SH3TC1: variants seen among roughly 807,000 people sequenced by gnomAD.
The protein encoded by SH3TC1 is SH3 domain and tetratricopeptide repeats 1, also known as SH3 domain and tetratricopeptide repeat-containing protein 1.
In SH3TC1, 135 loss-of-function variants were observed where a neutral mutation model predicts 117.3. That is an observed-to-expected ratio of 1.15 (90% confidence interval 1.00 to 1.33). The LOEUF (loss-of-function observed/expected upper bound fraction) is 1.33. Among genes scored for constraint, SH3TC1 ranks in the 40% most tolerant of loss-of-function variants. SH3TC1 has a pLI of 0.00. For missense variants in SH3TC1, 2,092 were observed against 1,794.3 expected (o/e 1.17, Z -3.00); for synonymous variants, 898 against 816.9 (o/e 1.10, Z -1.69).
Position 8,222,938 on chromosome 4 carries a change from C to G in SH3TC1, c.1211C>G (p.Ser404Trp). The change falls in exon 10 of 18, where the codon TCG becomes TGG. Residue 404 changes from serine (S) to tryptophan (W), a missense_variant. By Grantham distance (177) the Ser-to-Trp change is radical (BLOSUM62 -3). Transcript: ENST00000245105. ...GCCAGGCAGTTGCTGAGGCGGATGT[C>G]GGGCACCGATGTCTGCAGCGTGTAC... ...EDARQLLRRMSGTDVCSVYSL... is the reference protein window; with the variant it reads ...EDARQLLRRMWGTDVCSVYSL... 6.2e-7 allele frequency: 1 copy of G among 1,612,764 alleles called. No homozygotes were observed. Among genetic ancestry groups the G allele is most frequent in the Non-Finnish European group, 8.5e-7 (1 of 1,179,818 alleles).
chr4:8,196,581 G>C (rs1035949938), upstream of SH3TC1, among the ~76,000 whole-genome samples: 1 of 152,218 alleles, frequency 6.6e-6, no homozygotes, highest in Non-Finnish European at 1.5e-5. This position sits in a 1 kb window ranked among gnomAD's most constrained non-coding sequence, Gnocchi z 4.6. Context: ...AGCTCCCAAA[G>C]TGCTCTGGGC....
intron 1 of SH3TC1, among the ~76,000 whole-genome samples, chr4:8,184,403 C>T (rs1225987294): frequency 6.6e-6 from 1 of 152,334 alleles, no homozygotes; most frequent in African/African-American, 2.4e-5. Context: ...TTTTTTGAGA[C>T]AGGCTGTTGC....
In SH3TC1 at chr4:8,227,472, G is replaced by A; in HGVS notation, c.1778G>A (p.Ser593Asn). Residue 593 changes from serine (S) to asparagine (N), a missense_variant, in exon 12 of 18, where the codon AGC becomes AAC. By Grantham distance (46) the Ser-to-Asn change is conservative (BLOSUM62 1). Coordinates refer to ENST00000245105, the MANE Select transcript of SH3TC1 (RefSeq NM_018986.5). ...FEEALGALEG[S>N]FGDLFLVVAV... ...GAAGCGCTGGGGGCCCTGGAGGGCA[G>A]CTTCGGGGACCTGTTCCTAGTGGTG... The A allele has an allele frequency of 6.4e-7, 1 of 1,565,390 alleles. No homozygotes were observed. Among genetic ancestry groups the A allele is most frequent in the African/African-American group, 1.4e-5 (1 of 73,010 alleles).
At chr4:8,213,114 A>C in intron 4 of SH3TC1, 1 of 456,020 alleles carries the variant, frequency 2.2e-6, no homozygotes, top group Non-Finnish European at 3.9e-6. Flanking sequence ...CCCTCCACCC[A>C]CAAGGACTGT....
chr4:8,228,620 G>T lies in SH3TC1; in HGVS notation c.2926G>T (p.Ala976Ser), dbSNP rs184765514. The change falls in exon 12 of 18, where the codon GCC becomes TCC. Residue 976 changes from alanine to serine, a missense_variant. Ala to Ser is a moderately conservative substitution (Grantham distance 99). Transcript: ENST00000245105. ...KGYYEWALLV[A>S]VEMGHVESQL... The stretch of plus-strand genomic sequence containing the variant: ...CTACTACGAGTGGGCCCTTCTGGTC[G>T]CCGTGGAGATGGGCCACGTGGAGAG... The T allele has an allele frequency of 6.6e-7, 1 of 1,520,010 alleles. No homozygotes were observed. The highest frequency in any genetic ancestry group is 1.4e-5 in the African/African-American group (1 of 72,704). The allele number at this position is 1,520,010 out of a possible 1,614,324, so 94.2% of individuals were successfully genotyped here.
intron 5 of SH3TC1, 41 bp downstream of exon 5, chr4:8,214,621 C>T (rs754234125): frequency 1.0e-5 from 15 of 1,507,106 alleles, no homozygotes; most frequent in African/African-American, 5.5e-5. Flanking sequence ...TGGGGACGCC[C>T]GTCGGAAGGT....
intron 1 of SH3TC1, among the ~76,000 whole-genome samples, chr4:8,189,134 G>A (rs1561671335): frequency 6.6e-6 from 1 of 152,280 alleles, no homozygotes; most frequent in Non-Finnish European, 1.5e-5. Context: ...GAATACATGG[G>A]GCTGTTGGCT....
chr4:8,237,508 G>T lies in SH3TC1; in HGVS notation c.3591G>T (p.Arg1197=), dbSNP rs74479723. 1 of 1,602,608 alleles carries T rather than the reference G, an allele frequency of 6.2e-7. No homozygotes were observed. Among genetic ancestry groups the T allele is most frequent in the African/African-American group, 1.3e-5 (1 of 74,550 alleles). ...DRLNERVAYH[R]LAALQHRLGH... ...TGAACGAGCGCGTGGCCTACCACCG[G>T]CTGGCCGCCCTGCAACACCGACTGG... Residue 1197 remains arginine, a synonymous_variant, in exon 17 of 18, where the codon CGG becomes CGT. Transcript: ENST00000245105.
At chr4:8,185,285 G>A (rs567451052) in intron 1 of SH3TC1, among the ~76,000 whole-genome samples, 4 of 152,064 alleles carry the variant, frequency 2.6e-5, no homozygotes, top group South Asian at 4.2e-4. Flanking sequence ...GTGGGGAGCC[G>A]AGATTGAGCA....
At chr4:8,196,346 G>A (rs576740391), upstream of SH3TC1, among the ~76,000 whole-genome samples, 1 of 152,192 alleles carries the variant, frequency 6.6e-6, no homozygotes, top group African/African-American at 2.4e-5. The surrounding 1 kb of genome is among the most constrained non-coding windows in gnomAD (Gnocchi z 4.6). Flanking sequence ...GCAGGGGAGG[G>A]AGCCTCAGAG....
chr4:8,235,509 T>C lies in SH3TC1; in HGVS notation c.3359T>C (p.Phe1120Ser), dbSNP rs749186927. The change falls in exon 15 of 18, where the codon TTC becomes TCC. Residue 1120 changes from phenylalanine to serine, a missense_variant. Coordinates refer to ENST00000245105, the MANE Select transcript of SH3TC1 (RefSeq NM_018986.5). ...CTGTTTGAGGCGGCTGGAGACATCTTCTTCGACGGGGCCTGGGAGCGGGAG... is the reference window on the plus strand; with the variant it reads ...CTGTTTGAGGCGGCTGGAGACATCTCCTTCGACGGGGCCTGGGAGCGGGAG... ...LELFEAAGDI[F>S]FDGAWEREKA... 2.5e-6 allele frequency: 4 copies of C among 1,607,038 alleles called. No individual in the cohort carries two copies. The highest frequency in any genetic ancestry group is 3.4e-6 in the Non-Finnish European group (4 of 1,175,958).
At chr4:8,226,929 C>T in intron 11 of SH3TC1, 51 bp from the exon 12 acceptor site, 1 of 1,413,476 alleles carries the variant, frequency 7.1e-7, no homozygotes, top group Non-Finnish European at 9.5e-7. Context: ...CCAGTGGACC[C>T]AGGACTCACT....
At chr4:8,233,152 C>T (rs1721401215) in intron 13 of SH3TC1, 1 of 1,382,970 alleles carries the variant, frequency 7.2e-7, no homozygotes, top group South Asian at 1.7e-5. Context: ...GCATGATGCC[C>T]AGTTCCCTCA....
chr4:8,236,021 TC>T (rs1192585417), intron 15 of SH3TC1: 4 of 513,800 alleles, frequency 7.8e-6, no homozygotes, highest in Admixed American at 3.7e-5. Flanking sequence ...GAGTGCAGGC[TC>T]CCCCCAGTCA....
chr4:8,227,368 C>A lies in SH3TC1; in HGVS notation c.1674C>A (p.Ala558=), dbSNP rs766909446. The A allele has an allele frequency of 6.4e-7, 1 of 1,573,808 alleles. No individual in the cohort carries two copies. Among genetic ancestry groups the A allele is most frequent in the Non-Finnish European group, 8.6e-7 (1 of 1,160,264 alleles). The change falls in exon 12 of 18, where the codon GCC becomes GCA. Residue 558 remains alanine, a synonymous_variant. Coordinates refer to ENST00000245105, the MANE Select transcript of SH3TC1 (RefSeq NM_018986.5). ...CCAAGAAAGCTGGCCTCCTCATGGC[C>A]CTGGCCAGGCTCTGCTTCCTCCTGG... ...GAAKKAGLLM[A]LARLCFLLGR...
At position 8,209,736 on chromosome 4, in the gene SH3TC1, G is replaced by C; in HGVS notation, c.173-12G>C. On this transcript the variant is annotated splice_polypyrimidine_tract_variant and intron_variant, in intron 2 of 17. Transcript: ENST00000245105. This position sits in a 1 kb window ranked among gnomAD's most constrained non-coding sequence, Gnocchi z 5.9. Reference sequence around the variant, plus strand: ...TGGTCTCCCCTAATCCTGGGAACCTGCTGTGTTGCAGACGAGGCTCCTCCT... The same window carrying C: ...TGGTCTCCCCTAATCCTGGGAACCTCCTGTGTTGCAGACGAGGCTCCTCCT... 1 of 1,613,754 alleles carries C rather than the reference G, an allele frequency of 6.2e-7. No individual in the cohort carries two copies. Among genetic ancestry groups the C allele is most frequent in the East Asian group, 2.2e-5 (1 of 44,868 alleles).
At chr4:8,220,159 G>C (rs1368892191) in intron 9 of SH3TC1, among the ~76,000 whole-genome samples, 1 of 152,150 alleles carries the variant, frequency 6.6e-6, no homozygotes, top group Non-Finnish European at 1.5e-5. Flanking sequence ...TGAGGTTCCG[G>C]GAGACATGAA....
intron 9 of SH3TC1, 109 bp from the exon 10 acceptor site, chr4:8,222,731 A>C (rs1435593304): frequency 9.5e-6 from 13 of 1,361,444 alleles, no homozygotes; most frequent in Non-Finnish European, 1.3e-5. Flanking sequence ...GGCAGAGAGT[A>C]GTGCTCCGAG....
Position 8,232,148 on chromosome 4 carries a change from C to T in SH3TC1, c.3123C>T (p.Gly1041=), listed in dbSNP as rs146397308. The T allele has an allele frequency of 1.9e-4, 295 of 1,579,794 alleles. No homozygotes were observed. In the African/African-American group the frequency reaches 4.1e-3, roughly 22 times the overall value. ...TCAGCCAGCTCTACCTGTCCCTGGG[C>T]ACCGAGCGGTGAGGGCTGGCTCTGT... is the stretch of plus-strand genomic sequence containing the variant. ...ETISQLYLSL[G]TERAYKSALD... Residue 1041 remains glycine, a synonymous_variant, in exon 13 of 18, where the codon GGC becomes GGT. Transcript: ENST00000245105.
Sources: gnomAD v4.1 joint callset for allele counts (sites outside exome capture counted in the v4.1 genomes callset) on GRCh38, gnomAD v4.1.1 for gene constraint, Gnocchi (gnomAD v3.1) non-coding constraint, MANE v1.5 for transcripts, NCBI Gene and HGNC (gene_info 2026-07-23, HGNC 2026-07-21) for gene names.